NTM: variants seen among roughly 807,000 people sequenced by gnomAD.
The protein encoded by NTM is IgLON family member 2.
Under a neutral mutation model 42.1 loss-of-function variants are expected in NTM, and 13 were observed. That is an observed-to-expected ratio of 0.31 (90% CI 0.20 to 0.49). The LOEUF is 0.49. NTM is among the 20% of genes least tolerant of loss of function. The pLI is 0.99. For synonymous variants in NTM, 187 were observed against 179.2 expected, an observed-to-expected ratio of 1.04 and a Z score of -0.35; for missense variants, 373 against 452.8, an observed-to-expected ratio of 0.82 and a Z score of 1.60.
intron 2 of NTM, among the ~76,000 whole-genome samples, chr11:132,042,258 T>G (rs2077303981): frequency 6.6e-6 from 1 of 152,158 alleles, no homozygotes; most frequent in Non-Finnish European, 1.5e-5. Context: ...TCGTTCCTGT[T>G]CTGTGAGAGC....
At chr11:132,004,626 TCTCTCTCTCACA>T (rs2070313476) in intron 2 of NTM, among the ~76,000 whole-genome samples, 1 of 150,178 alleles carries the variant, frequency 6.7e-6, no homozygotes, top group African/African-American at 2.5e-5. Flanking sequence ...TCTCTCTCTC[TCTCTCTCTCACA>T]CACACACACA....
intron 2 of NTM, among the ~76,000 whole-genome samples, chr11:131,919,115 CT>C (rs11395451): frequency 2.6e-4 from 38 of 145,802 alleles, no homozygotes; most frequent in Non-Finnish European, 2.4e-4. Flanking sequence ...AAAACGCTTC[CT>C]TTTTTTTTTT....
intron 3 of NTM, among the ~76,000 whole-genome samples, chr11:132,203,091 C>G (rs938553612): frequency 3.3e-5 from 5 of 152,264 alleles, no homozygotes; most frequent in African/African-American, 9.6e-5. Flanking sequence ...AAGCGCATTG[C>G]TGACAAAAGA....
rs376622901 is a variant in NTM, at chr11:132,011,409, T to C, written c.167+99761T>C. 1.2e-4 allele frequency among the ~76,000 whole-genome samples: 19 copies of C among 152,286 alleles called. No individual in the cohort carries two copies. The East Asian group carries it at 3.3e-3, about 26-fold the overall frequency. On this transcript the variant is annotated intron_variant, in intron 2 of 8. Coordinates refer to ENST00000683400, the MANE Select transcript of NTM (RefSeq NM_001352005.2). ...TCTCTGTTAAGAAATGGAAAACAGA[T>C]AATGGCAGCGGAGTCAATAAAGTCA... is the stretch of plus-strand genomic sequence containing the variant.
chr11:131,679,558 C>A (rs1592508026), intron 1 of NTM, among the ~76,000 whole-genome samples: 1 of 152,030 alleles, frequency 6.6e-6, no homozygotes, highest in East Asian at 1.9e-4. Flanking sequence ...TTCAGCGGTG[C>A]CTTTCCCAGG....
intron 2 of NTM, among the ~76,000 whole-genome samples, chr11:132,049,757 A>G (rs965202932): frequency 2.0e-5 from 3 of 152,126 alleles, no homozygotes; most frequent in African/African-American, 7.2e-5. Context: ...CTGATGGGGG[A>G]AAAGACAAAG....
chr11:131,604,292 C>T (rs1226615709), intron 1 of NTM, among the ~76,000 whole-genome samples: 1 of 152,090 alleles, frequency 6.6e-6, no homozygotes, highest in East Asian at 1.9e-4. Context: ...TGCATATTTT[C>T]GTGTGGTTAT....
chr11:131,529,604 C>T (rs917086949), intron 1 of NTM, among the ~76,000 whole-genome samples: 11 of 152,086 alleles, frequency 7.2e-5, no homozygotes, highest in Non-Finnish European at 1.3e-4. Context: ...GACTTTAACA[C>T]GCACCAACTG....
intron 1 of NTM, among the ~76,000 whole-genome samples, chr11:131,701,713 T>C (rs1175946297): frequency 6.6e-6 from 1 of 152,154 alleles, no homozygotes; most frequent in Non-Finnish European, 1.5e-5. Context: ...TTGTTATTTC[T>C]TCATTTAATG....
intron 1 of NTM, among the ~76,000 whole-genome samples, chr11:131,763,376 C>T (rs1318701422): frequency 6.6e-6 from 1 of 152,118 alleles, no homozygotes; most frequent in Non-Finnish European, 1.5e-5. Flanking sequence ...AGAACTCCAC[C>T]CCACGTGCAC....
intron 1 of NTM, among the ~76,000 whole-genome samples, chr11:131,724,926 T>A (rs1165010474): frequency 6.6e-6 from 1 of 152,082 alleles, no homozygotes. Flanking sequence ...TTGGACTGTG[T>A]GTTGGAGTCA....
At chr11:131,765,595 C>T (rs2084973219) in intron 1 of NTM, among the ~76,000 whole-genome samples, 2 of 152,186 alleles carry the variant, frequency 1.3e-5, no homozygotes, top group Admixed American at 6.5e-5. Flanking sequence ...TCATGTATAA[C>T]ATGGACCATG....
At chr11:132,072,066 T>A (rs1566085650) in intron 2 of NTM, among the ~76,000 whole-genome samples, 1 of 152,132 alleles carries the variant, frequency 6.6e-6, no homozygotes, top group Non-Finnish European at 1.5e-5. Context: ...TACTAATAAA[T>A]CATGCCTGAT....
At chr11:132,083,577 T>C (rs2059351036) in intron 2 of NTM, among the ~76,000 whole-genome samples, 1 of 152,162 alleles carries the variant, frequency 6.6e-6, no homozygotes, top group South Asian at 2.1e-4. Flanking sequence ...TGTGAGAAAG[T>C]GACATTCTTT....
At chr11:132,116,159 C>T (rs1323511548) in intron 2 of NTM, among the ~76,000 whole-genome samples, 3 of 152,158 alleles carry the variant, frequency 2.0e-5, no homozygotes, top group Non-Finnish European at 4.4e-5. Context: ...AGAAGCCTAC[C>T]AGGAGAGGGT....
chr11:132,070,745 C>A (rs1474834592), intron 2 of NTM, among the ~76,000 whole-genome samples: 1 of 144,394 alleles, frequency 6.9e-6, no homozygotes, highest in African/African-American at 2.5e-5. Context: ...ACACGTCAAA[C>A]TGACCGTCAC....
intron 7 of NTM, among the ~76,000 whole-genome samples, chr11:132,323,705 T>C (rs370074101): frequency 6.6e-6 from 1 of 151,966 alleles, no homozygotes; most frequent in Non-Finnish European, 1.5e-5. Context: ...ATACCAAAGC[T>C]GGGCAGAGAC....
At chr11:132,138,939 A>G (rs1326276098) in intron 2 of NTM, among the ~76,000 whole-genome samples, 3 of 152,180 alleles carry the variant, frequency 2.0e-5, no homozygotes, top group African/African-American at 7.2e-5. Flanking sequence ...GTTCAGTCAA[A>G]TTGACACAGA....
chr11:132,295,267 G>A (rs779431146), intron 4 of NTM, among the ~76,000 whole-genome samples: 8 of 151,200 alleles, frequency 5.3e-5, no homozygotes, highest in Admixed American at 2.6e-4. Flanking sequence ...ATGATATAAC[G>A]ATATCATAAT....
Sources: gnomAD v4.1 joint callset for allele counts (sites outside exome capture counted in the v4.1 genomes callset) on GRCh38, gnomAD v4.1.1 for gene constraint, MANE v1.5 for transcripts, NCBI Gene and HGNC (gene_info 2026-07-23, HGNC 2026-07-21) for gene names.